Variants in GRID2 observed in about 807,000 individuals in gnomAD.
The protein encoded by GRID2 is glutamate receptor ionotropic, delta-2.
GRID2 carries 33 observed loss-of-function variants against 114.8 expected under a neutral mutation model. That is an observed-to-expected ratio of 0.29 (90% CI 0.22 to 0.38). GRID2 has a LOEUF of 0.38. GRID2 is among the 10% of genes least tolerant of loss of function. The probability of loss-of-function intolerance (pLI) is 1.00; values close to 1 mark genes in which losing one functional copy is unlikely to be tolerated. For missense variants in GRID2, 1,184 were observed against 1,257.7 expected (o/e 0.94, Z 0.89); for synonymous variants, 505 against 449.9 (o/e 1.12, Z -1.55).
chr4:92,508,041 G>A (rs149328882), intron 1 of GRID2, among the ~76,000 whole-genome samples: 1 of 151,896 alleles, frequency 6.6e-6, no homozygotes, highest in African/African-American at 2.4e-5. Context: ...ATTTATTTTA[G>A]TAGCACTTTT....
At chr4:92,728,069 C>G (rs1485719986) in intron 2 of GRID2, among the ~76,000 whole-genome samples, 2 of 151,852 alleles carry the variant, frequency 1.3e-5, no homozygotes, top group Non-Finnish European at 2.9e-5. Flanking sequence ...GTGGTGAGAC[C>G]AGGAAGACAA....
At chr4:93,355,941 C>T (rs1319834076) in intron 8 of GRID2, among the ~76,000 whole-genome samples, 2 of 151,942 alleles carry the variant, frequency 1.3e-5, no homozygotes, top group Non-Finnish European at 2.9e-5. Context: ...TCTCAAAATC[C>T]GCTGGTGCCC....
intron 8 of GRID2, among the ~76,000 whole-genome samples, chr4:93,249,596 T>C (rs1748609496): frequency 6.6e-6 from 1 of 152,036 alleles, no homozygotes; most frequent in South Asian, 2.1e-4. Flanking sequence ...TCACATCCCT[T>C]GTAAGTTGTA....
chr4:93,373,278 TC>T (rs2149295573), intron 8 of GRID2, among the ~76,000 whole-genome samples: 1 of 152,244 alleles, frequency 6.6e-6, no homozygotes, highest in African/African-American at 2.4e-5. Context: ...TCCTCTCTCT[TC>T]TTTTAGTTTA....
At chr4:92,659,142 T>C (rs1732400510) in intron 2 of GRID2, among the ~76,000 whole-genome samples, 1 of 151,616 alleles carries the variant, frequency 6.6e-6, no homozygotes, top group African/African-American at 2.4e-5. Flanking sequence ...AAGTTATGTA[T>C]AAAACAAAAT....
At chr4:93,138,672 TGTTCTCACA>T (rs1225231544) in intron 4 of GRID2, among the ~76,000 whole-genome samples, 1 of 152,224 alleles carries the variant, frequency 6.6e-6, no homozygotes, top group Non-Finnish European at 1.5e-5. Context: ...ACAACTTCAC[TGTTCTCACA>T]GTTCTCTTCC....
chr4:93,086,549 G>A lies in GRID2; in HGVS notation c.529+1270G>A, dbSNP rs1026726244. Among the ~76,000 whole-genome samples the A allele has an allele frequency of 2.0e-5, 3 of 152,202 alleles. 1 individual carries two copies. The South Asian group carries it at 6.2e-4, about 32-fold the overall frequency. The stretch of plus-strand genomic sequence containing the variant: ...GTTGCATGGGGTTTTGGCAGCCAGA[G>A]TCTTATTAAACTTGGTGGGTAGGCT... On this transcript the variant is annotated intron_variant, in intron 3 of 15. Transcript: ENST00000282020.
At chr4:92,309,582 G>A (rs570645147) in intron 1 of GRID2, among the ~76,000 whole-genome samples, 193 of 151,522 alleles carry the variant, frequency 1.3e-3, no homozygotes, top group Admixed American at 4.9e-3. Flanking sequence ...AGAAAAAAAT[G>A]TCATTTTAAT....
intron 2 of GRID2, among the ~76,000 whole-genome samples, chr4:92,622,125 T>C (rs1249632942): frequency 6.6e-6 from 1 of 151,732 alleles, no homozygotes; most frequent in African/African-American, 2.4e-5. Flanking sequence ...AAAATGCTAC[T>C]GGGGAGAGTC....
intron 1 of GRID2, among the ~76,000 whole-genome samples, chr4:92,499,203 C>A (rs925407356): frequency 6.7e-6 from 1 of 149,802 alleles, no homozygotes; most frequent in Non-Finnish European, 1.5e-5. Context: ...TTATATTTAT[C>A]ATTTGTTCCT....
rs183866328 is a variant in GRID2 at position 93,232,542 on chromosome 4, T to C, written c.1126-5829T>C. On this transcript the variant is annotated intron_variant, in intron 7 of 15. Coordinates refer to ENST00000282020, the MANE Select transcript of GRID2 (RefSeq NM_001510.4). ...GATAGAGTTATCTTGATATATGTATTCTATATTAGTAAGTGAACTAAATTG... is the reference window on the plus strand; with the variant it reads ...GATAGAGTTATCTTGATATATGTATCCTATATTAGTAAGTGAACTAAATTG... 4.9e-3 allele frequency among the ~76,000 whole-genome samples: 737 copies of C among 150,700 alleles called. 6 individuals are homozygous for C. The highest frequency in any genetic ancestry group is 0.017 in the African/African-American group (711 of 41,286).
intron 2 of GRID2, among the ~76,000 whole-genome samples, chr4:92,972,356 A>T (rs571628210): frequency 1.3e-5 from 2 of 152,186 alleles, no homozygotes; most frequent in East Asian, 3.9e-4. Flanking sequence ...TTAAGAAGAC[A>T]AAATTTTAAG....
chr4:93,177,280 A>T (rs1353060895), intron 4 of GRID2, among the ~76,000 whole-genome samples: 1 of 152,150 alleles, frequency 6.6e-6, no homozygotes, highest in Non-Finnish European at 1.5e-5. Context: ...GAAGTGCTTT[A>T]GAAGTAAAGA....
intron 13 of GRID2, among the ~76,000 whole-genome samples, chr4:93,516,607 A>C (rs951156287): frequency 1.3e-5 from 2 of 152,020 alleles, no homozygotes; most frequent in Non-Finnish European, 2.9e-5. Context: ...TCTCCAAAGA[A>C]CCATTGGCTC....
intron 1 of GRID2, among the ~76,000 whole-genome samples, chr4:92,492,777 T>A (rs1323420665): frequency 6.6e-6 from 1 of 152,050 alleles, no homozygotes; most frequent in Non-Finnish European, 1.5e-5. Flanking sequence ...AATTTTATTA[T>A]CAAAAACGTT....
chr4:92,598,458 T>C (rs1290150078), intron 2 of GRID2, among the ~76,000 whole-genome samples: 1 of 152,156 alleles, frequency 6.6e-6, no homozygotes, highest in Non-Finnish European at 1.5e-5. Flanking sequence ...CTCCATATTA[T>C]ACTGCAGACA....
chr4:93,567,305 G>C (rs1735521149), intron 13 of GRID2, among the ~76,000 whole-genome samples: 1 of 151,982 alleles, frequency 6.6e-6, no homozygotes, highest in Admixed American at 6.6e-5. Context: ...ACATTCTACT[G>C]TCATGTTAAC....
intron 13 of GRID2, among the ~76,000 whole-genome samples, chr4:93,545,512 G>A (rs1219511567): frequency 6.6e-6 from 1 of 152,118 alleles, no homozygotes; most frequent in Non-Finnish European, 1.5e-5. Context: ...AAGTTGAAGA[G>A]GTAGACAAGA....
At chr4:93,226,730 A>G (rs1374282415) in intron 7 of GRID2, among the ~76,000 whole-genome samples, 3 of 151,992 alleles carry the variant, frequency 2.0e-5, no homozygotes, top group African/African-American at 7.2e-5. Context: ...ATTTTTACTC[A>G]ACATTGTCTT....
Sources: gnomAD v4.1 joint callset for allele counts (sites outside exome capture counted in the v4.1 genomes callset) on GRCh38, gnomAD v4.1.1 for gene constraint, MANE v1.5 for transcripts, NCBI Gene and HGNC (gene_info 2026-07-23, HGNC 2026-07-21) for gene names.